TBCD: variants seen among roughly 807,000 people sequenced by gnomAD.
The protein encoded by TBCD is tubulin-specific chaperone D.
In TBCD, 105 loss-of-function variants were observed where a neutral mutation model predicts 169.3. The observed-to-expected ratio is 0.62, with a 90% CI of 0.53 to 0.73. TBCD has a LOEUF of 0.73. TBCD is among the 30% of genes least tolerant of loss of function. TBCD has a pLI of 0.00. For missense variants in TBCD, 1,444 were observed against 1,600.1 expected, an observed-to-expected ratio of 0.90 and a Z score of 1.66; for synonymous variants, 700 against 643.9, an observed-to-expected ratio of 1.09 and a Z score of -1.32.
At position 82,806,447 on chromosome 17, in the gene TBCD, T is replaced by A. The variant is rs2050967216; in HGVS notation, c.1087+436T>A. Among the ~76,000 whole-genome samples, 1 of 152,138 alleles carries A rather than the reference T, an allele frequency of 6.6e-6. No individual in the cohort carries two copies. Among genetic ancestry groups the A allele is most frequent in the African/African-American group, 2.4e-5 (1 of 41,428 alleles). ...TTGCAGGGGTCTCCATCCACTGCCC[T>A]GTTCTCCTCCTGTGGGGTCTCCTGC... On this transcript the variant is annotated intron_variant, in intron 10 of 38. Transcript: ENST00000355528. The surrounding 1 kb of genome is among the most constrained non-coding windows in gnomAD (Gnocchi z 5.1).
rs772477047 is a variant in TBCD, at chr17:82,831,431, T to A, written c.1318+16497T>A. ...AGCAGGTGAGAGCTCTGATCTCGGGTGAGGCCAGTGACAGGTGGGAGTCTG... is the reference window on the plus strand; with the variant it reads ...AGCAGGTGAGAGCTCTGATCTCGGGAGAGGCCAGTGACAGGTGGGAGTCTG... On this transcript the variant is annotated intron_variant, in intron 13 of 38. Coordinates refer to ENST00000355528, the MANE Select transcript of TBCD (RefSeq NM_005993.5). This position sits in a 1 kb window ranked among gnomAD's most constrained non-coding sequence, Gnocchi z 4.6. The A allele has an allele frequency of 6.2e-7, 1 of 1,614,100 alleles. No homozygotes were observed. The highest frequency in any genetic ancestry group is 8.5e-7 in the Non-Finnish European group (1 of 1,179,992).
intron 23 of TBCD, among the ~76,000 whole-genome samples, chr17:82,914,750 G>T (rs2060907975): frequency 6.6e-6 from 1 of 152,194 alleles, no homozygotes; most frequent in East Asian, 1.9e-4. Flanking sequence ...TGGCCTGCAG[G>T]CTCTGAAGCC....
chr17:82,781,858 T>G lies in TBCD; in HGVS notation c.771+137T>G, dbSNP rs945716265. ...GATTGATTTAACCGGGCCAGGGTCT[T>G]GGGCAGTTTCCTTTTCCCTCTGCTT... On this transcript the variant is annotated intron_variant, in intron 7 of 38. Transcript: ENST00000355528. The G allele has an allele frequency of 5.1e-6, 7 of 1,385,962 alleles. No homozygotes were observed. The African/African-American group carries it at 1.0e-4, about 20-fold the overall frequency. The allele number at this position is 1,385,962 out of a possible 1,614,324, so 85.9% of individuals were successfully genotyped here.
At chr17:82,823,028 C>G (rs886955731) in intron 13 of TBCD, among the ~76,000 whole-genome samples, 1 of 152,144 alleles carries the variant, frequency 6.6e-6, no homozygotes. Context: ...GAGAGGAGTC[C>G]GATTCTGAGA....
rs528040522 is a variant in TBCD at position 82,762,481 on chromosome 17, GC to G, written c.236-1483del. On this transcript the variant is annotated intron_variant, in intron 2 of 38. Transcript: ENST00000355528. ...GTGTATGACTTGGCCAGGCGCGGTG[GC>G]TCCTACCTGTAATTCTAGCACTTTG... Among the ~76,000 whole-genome samples, 942 of 152,188 alleles carry G rather than the reference GC, an allele frequency of 6.2e-3. 4 individuals are homozygous for G. The highest frequency in any genetic ancestry group is 0.027 in the Middle Eastern group (8 of 294).
At chr17:82,919,296 G>A (rs1382573112) in intron 23 of TBCD, among the ~76,000 whole-genome samples, 2 of 152,088 alleles carry the variant, frequency 1.3e-5, no homozygotes, top group East Asian at 1.9e-4. Context: ...CCCCCTCTTG[G>A]CATGTAATCC....
At position 82,831,135 on chromosome 17, in the gene TBCD, G is replaced by T. The variant is rs766092113; in HGVS notation, c.1318+16201G>T. On this transcript the variant is annotated intron_variant, in intron 13 of 38. Transcript: ENST00000355528. This position sits in a 1 kb window ranked among gnomAD's most constrained non-coding sequence, Gnocchi z 4.6. ...CTGGCGGGTAGAGTCTTCCCAGTGCGCTGGAGGCTGCCTTGTTGGAGAGGT... is the reference window on the plus strand; with the variant it reads ...CTGGCGGGTAGAGTCTTCCCAGTGCTCTGGAGGCTGCCTTGTTGGAGAGGT... The T allele has an allele frequency of 3.1e-6, 5 of 1,614,024 alleles. No homozygotes were observed. The African/African-American group carries it at 6.7e-5, about 22-fold the overall frequency.
Position 82,941,488 on chromosome 17 carries a change from CCCTGTCACCTTCACAGCATGAGGTG to C in TBCD, c.3564+11_3564+35del. On this transcript the variant is annotated splice_donor_region_variant and intron_variant, in intron 38 of 38. Coordinates refer to ENST00000355528, the MANE Select transcript of TBCD (RefSeq NM_005993.5). Reference sequence around the variant, plus strand: ...AGGCCCCAGCTGGTGCCCCAGGTAACCCTGTCACCTTCACAGCATGAGGTGCCTGTGCTTCCCTGAGCTCTGGAAT... The same window carrying C: ...AGGCCCCAGCTGGTGCCCCAGGTAACCCTGTGCTTCCCTGAGCTCTGGAAT... The C allele has an allele frequency of 1.9e-6, 3 of 1,587,270 alleles. No homozygotes were observed. Among genetic ancestry groups the C allele is most frequent in the Non-Finnish European group, 2.6e-6 (3 of 1,167,828 alleles).
intron 15 of TBCD, among the ~76,000 whole-genome samples, chr17:82,887,176 C>T (rs555359497): frequency 0.12 from 8,033 of 67,512 alleles, 366 homozygotes; most frequent in African/African-American, 0.3. Context: ...TGTGCGCGCG[C>T]GCGCACGTGC....
rs1883777217 is a variant in TBCD, at chr17:82,903,844, TGG to T, written c.1804+367_1804+368del. Reference sequence around the variant, plus strand: ...CACACGACACTCCCTGGTCTCTAGGTGGCTCGCACCTGCCACACGACACTCCC... The same window carrying T: ...CACACGACACTCCCTGGTCTCTAGGTCTCGCACCTGCCACACGACACTCCC... On this transcript the variant is annotated intron_variant, in intron 19 of 38. Transcript: ENST00000355528. The surrounding 1 kb of genome is among the most constrained non-coding windows in gnomAD (Gnocchi z 4.8). Among the ~76,000 whole-genome samples the T allele has an allele frequency of 2.8e-5, 1 of 36,308 alleles. No homozygotes were observed. Among genetic ancestry groups the T allele is most frequent in the East Asian group, 6.8e-4 (1 of 1,466 alleles). The allele number at this position is 36,308 out of a possible 152,430, so 23.8% of individuals were successfully genotyped here. A position where few individuals can be genotyped will look rare whatever the true frequency, so the allele number is the denominator to read the frequency against.
intron 26 of TBCD, among the ~76,000 whole-genome samples, chr17:82,924,280 C>G (rs555291073): frequency 6.6e-6 from 1 of 152,070 alleles, no homozygotes; most frequent in Non-Finnish European, 1.5e-5. Context: ...TTGTATGCAC[C>G]GTGACATTTT....
chr17:82,922,887 G>A lies in TBCD; in HGVS notation c.2179-765G>A, dbSNP rs1448749082. 6.6e-6 allele frequency among the ~76,000 whole-genome samples: 1 copy of A among 152,256 alleles called. No homozygotes were observed. Among genetic ancestry groups the A allele is most frequent in the Non-Finnish European group, 1.5e-5 (1 of 68,044 alleles). On this transcript the variant is annotated intron_variant, in intron 25 of 38. Coordinates refer to ENST00000355528, the MANE Select transcript of TBCD (RefSeq NM_005993.5). This position sits in a 1 kb window ranked among gnomAD's most constrained non-coding sequence, Gnocchi z 4.1. The stretch of plus-strand genomic sequence containing the variant: ...TGTGGTCACGAGAGGCTCCTCCGTA[G>A]GTGGCAGAGGTGGGGGTTCGAGGAG...
intron 6 of TBCD, among the ~76,000 whole-genome samples, chr17:82,774,945 A>G (rs902989834): frequency 2.0e-5 from 3 of 152,224 alleles, no homozygotes; most frequent in Non-Finnish European, 4.4e-5. Context: ...ACTTCGTTCA[A>G]TGGGAAATAG....
At chr17:82,887,987 T>C (rs2058871477) in intron 15 of TBCD, among the ~76,000 whole-genome samples, 1 of 152,242 alleles carries the variant, frequency 6.6e-6, no homozygotes, top group African/African-American at 2.4e-5. Context: ...TGTAGGATTC[T>C]GGTCCTCTGT....
At position 82,836,278 on chromosome 17, in the gene TBCD, C is replaced by T. The variant is rs1157726660; in HGVS notation, c.1318+21344C>T. ...GGGCCTGTGCCGGCATGCCTCGCCG[C>T]GCTCCCTGGTTCTGAAGGCGTGAGA... On this transcript the variant is annotated intron_variant, in intron 13 of 38. Coordinates refer to ENST00000355528, the MANE Select transcript of TBCD (RefSeq NM_005993.5). 4.6e-5 allele frequency among the ~76,000 whole-genome samples: 7 copies of T among 152,352 alleles called. No individual in the cohort carries two copies. In the East Asian group the frequency reaches 1.2e-3, roughly 25 times the overall value.
In TBCD at chr17:82,945,588, G is replaced by A. The variant is rs1301372227; in HGVS notation, c.*3125G>A. The A allele has an allele frequency of 1.3e-5, 2 of 152,116 alleles. No homozygotes were observed. The highest frequency in any genetic ancestry group is 1.5e-5 in the Non-Finnish European group (1 of 68,020). 9.4% of individuals were successfully genotyped at this position (152,116 alleles called of 1,614,324 possible). A position where few individuals can be genotyped will look rare whatever the true frequency, so the allele number is the denominator to read the frequency against. On this transcript the variant is annotated 3_prime_UTR_variant, in exon 39 of 39. Transcript: ENST00000355528. ...ACATTAAAGAAGAGAACAAAATTAA[G>A]TCATTTAGATAAAAATATGCCATTC...
At chr17:82,928,010 TTCTGCATCCTAGAGGG>T (rs2061899117) in intron 30 of TBCD, 22 bp downstream of exon 30, 1 of 1,603,682 alleles carries the variant, frequency 6.2e-7, no homozygotes, top group African/African-American at 1.3e-5. Flanking sequence ...GTCGCAGCTC[TTCTGCATCCTAGAGGG>T]CAGCCCCGAG....
In TBCD at chr17:82,942,644, G is replaced by A. The variant is rs1297073655; in HGVS notation, c.*181G>A. On this transcript the variant is annotated 3_prime_UTR_variant, in exon 39 of 39. Coordinates refer to ENST00000355528, the MANE Select transcript of TBCD (RefSeq NM_005993.5). ...TGCACCTGCGCTCTGGTGACTTGGG[G>A]TGGACGCCTCTGCCTTCACTTGAAC... The A allele has an allele frequency of 4.2e-6, 3 of 711,850 alleles. No individual in the cohort carries two copies. The highest frequency in any genetic ancestry group is 2.7e-5 in the Admixed American group (1 of 36,962). The allele number at this position is 711,850 out of a possible 1,614,324, so 44.1% of individuals were successfully genotyped here.
chr17:82,940,421 C>T (rs547266702), intron 37 of TBCD, among the ~76,000 whole-genome samples: 1 of 152,102 alleles, frequency 6.6e-6, no homozygotes, highest in African/African-American at 2.4e-5. Flanking sequence ...GATCCCGGTG[C>T]GTTGCTACAG....
Sources: allele counts gnomAD v4.1 joint callset (sites outside exome capture counted in the v4.1 genomes callset), GRCh38; gene constraint gnomAD v4.1.1; non-coding constraint Gnocchi (gnomAD v3.1); transcripts MANE v1.5; gene names NCBI Gene and HGNC (gene_info 2026-07-23, HGNC 2026-07-21).